The following ANKDD1A variants were observed in gnomAD, a reference collection of about 807,000 sequenced individuals.
ANKDD1A encodes the protein ankyrin repeat and death domain containing 1A, also known as ankyrin repeat and death domain-containing protein 1A.
Under a neutral mutation model 63.5 loss-of-function variants are expected in ANKDD1A, and 59 were observed. The ratio of observed to expected loss-of-function variants is 0.93; its 90% CI spans 0.75 to 1.15. The LOEUF is 1.15. Among genes scored for constraint, ANKDD1A ranks in the 50% most tolerant of loss-of-function variants. The pLI is 0.00. For synonymous variants in ANKDD1A, 266 were observed against 263.9 expected, an observed-to-expected ratio of 1.01 and a Z score of -0.08; for missense variants, 632 against 656.4, an observed-to-expected ratio of 0.96 and a Z score of 0.41.
intron 3 of ANKDD1A, among the ~76,000 whole-genome samples, chr15:64,920,309 A>G (rs1422951686): frequency 1.3e-5 from 2 of 152,150 alleles, no homozygotes; most frequent in African/African-American, 4.8e-5. Context: ...ACCCTGGAGC[A>G]CGGTGCAGAT....
chr15:64,937,082 A>G (rs1334191178), intron 9 of ANKDD1A, among the ~76,000 whole-genome samples: 1 of 152,194 alleles, frequency 6.6e-6, no homozygotes, highest in Non-Finnish European at 1.5e-5. Context: ...AGGCACCTTC[A>G]TATGTTACTG....
chr15:64,915,202 G>A (rs546561458), intron 1 of ANKDD1A, among the ~76,000 whole-genome samples: 7 of 152,300 alleles, frequency 4.6e-5, no homozygotes, highest in South Asian at 2.1e-4. Flanking sequence ...CTACCGAGGA[G>A]GCTGAGGTGG....
chr15:64,920,183 C>A (rs1346589954), intron 3 of ANKDD1A, among the ~76,000 whole-genome samples: 1 of 152,144 alleles, frequency 6.6e-6, no homozygotes, highest in Non-Finnish European at 1.5e-5. Context: ...CTTGATGTAT[C>A]CCCGGAGCTG....
At chr15:64,953,651 TC>T (rs2085353360) in intron 14 of ANKDD1A, among the ~76,000 whole-genome samples, 2 of 86,304 alleles carry the variant, frequency 2.3e-5, no homozygotes, top group Non-Finnish European at 2.7e-5. Context: ...CTCTTCCTTC[TC>T]CTTCTTTTCT....
At chr15:64,956,821 G>A (rs2085421308) in intron 14 of ANKDD1A, among the ~76,000 whole-genome samples, 2 of 152,174 alleles carry the variant, frequency 1.3e-5, no homozygotes, top group Non-Finnish European at 2.9e-5. Context: ...CCAAAGTGCT[G>A]GGACTACAGG....
intron 1 of ANKDD1A, among the ~76,000 whole-genome samples, chr15:64,915,470 C>T (rs900087611): frequency 6.6e-6 from 1 of 152,166 alleles, no homozygotes; most frequent in Non-Finnish European, 1.5e-5. Flanking sequence ...TTTCCTTCCC[C>T]AAGAGCAGCT....
At chr15:64,954,949 T>C (rs2085403460) in intron 14 of ANKDD1A, among the ~76,000 whole-genome samples, 1 of 150,726 alleles carries the variant, frequency 6.6e-6, no homozygotes, top group African/African-American at 2.4e-5. Flanking sequence ...TGTCTCTTCT[T>C]CTCTCTCCTT....
intron 9 of ANKDD1A, among the ~76,000 whole-genome samples, chr15:64,934,626 A>T (rs2085114035): frequency 6.7e-6 from 1 of 149,078 alleles, no homozygotes; most frequent in African/African-American, 2.5e-5. Context: ...CAGCCTCCTG[A>T]ATAGCTGGAA....
chr15:64,937,193 G>C (rs74019377), intron 9 of ANKDD1A, among the ~76,000 whole-genome samples: 3 of 151,798 alleles, frequency 2.0e-5, no homozygotes, highest in African/African-American at 7.3e-5. Flanking sequence ...AAGTTGGTAC[G>C]ATCTGTTCAG....
At chr15:64,945,456 CATGAG>C (rs1280348897) in intron 12 of ANKDD1A, among the ~76,000 whole-genome samples, 3 of 151,512 alleles carry the variant, frequency 2.0e-5, no homozygotes, top group African/African-American at 7.3e-5. Context: ...CACTAAATGA[CATGAG>C]ATATTCAGCA....
At chr15:64,916,386 G>T (rs1000881151) in intron 2 of ANKDD1A, among the ~76,000 whole-genome samples, 3 of 151,190 alleles carry the variant, frequency 2.0e-5, no homozygotes, top group Middle Eastern at 3.4e-3. Flanking sequence ...GTGCAGTGGA[G>T]CAATCACAGC....
intron 1 of ANKDD1A, among the ~76,000 whole-genome samples, chr15:64,913,611 A>T (rs1018070454): frequency 2.0e-5 from 3 of 151,984 alleles, no homozygotes; most frequent in African/African-American, 7.3e-5. Flanking sequence ...CAGGGTAGCA[A>T]CTCTGAGATC....
intron 8 of ANKDD1A, among the ~76,000 whole-genome samples, chr15:64,933,635 A>G (rs940927694): frequency 2.6e-5 from 4 of 152,208 alleles, no homozygotes; most frequent in Non-Finnish European, 4.4e-5. Context: ...CAAGATCAGG[A>G]GTTCAAGACC....
Position 64,949,235 on chromosome 15 carries a change from A to G in ANKDD1A, c.1352-606A>G, listed in dbSNP as rs116265021. On this transcript the variant is annotated intron_variant, in intron 13 of 14. Transcript: ENST00000319580. ...CCGTGTGGGCAATTATTTTCCAAAC[A>G]TGGTTGTATGTTGGAACCACCTGGG... Among the ~76,000 whole-genome samples, 425 of 152,308 alleles carry G rather than the reference A, an allele frequency of 2.8e-3. 2 individuals carry two copies. Among genetic ancestry groups the G allele is most frequent in the African/African-American group, 9.8e-3 (408 of 41,574 alleles).
chr15:64,940,537 A>G (rs2085174435), intron 9 of ANKDD1A, among the ~76,000 whole-genome samples: 1 of 151,916 alleles, frequency 6.6e-6, no homozygotes. Context: ...GGTTCACGCC[A>G]TTCTCCTGCC....
At chr15:64,951,949 TTC>T (rs1429514999) in intron 14 of ANKDD1A, among the ~76,000 whole-genome samples, 1 of 149,788 alleles carries the variant, frequency 6.7e-6, no homozygotes, top group Admixed American at 6.6e-5. Context: ...TTTCTTCTTC[TTC>T]TTTCCTTCTG....
chr15:64,951,542 CTTTCTTCTCTTCTTTCTTTTTCTT>C (rs2085276790), intron 14 of ANKDD1A: 16 of 76,540 alleles, frequency 2.1e-4, no homozygotes, highest in Admixed American at 5.1e-4. Context: ...CTTCCCTCTT[CTTTCTTCTCTTCTTTCTTTTTCTT>C]TTCTTTCTTC....
intron 9 of ANKDD1A, among the ~76,000 whole-genome samples, chr15:64,934,884 C>G (rs890518808): frequency 2.0e-5 from 3 of 151,846 alleles, no homozygotes; most frequent in East Asian, 3.9e-4. Flanking sequence ...AATCTTTTTA[C>G]TGTTATACAT....
In ANKDD1A at chr15:64,953,692, CTTCTTCT is replaced by C. The variant is rs1176290612; in HGVS notation, c.1484-3402_1484-3396del. ...TCTCCTTCTTTTCTTCTCCTTCTCC[CTTCTTCT>C]TTCTTCTTCTCCTTGTTCTTCTCCT... On this transcript the variant is annotated intron_variant, in intron 14 of 14. Transcript: ENST00000319580. Among the ~76,000 whole-genome samples, 13 of 38,946 alleles carry C rather than the reference CTTCTTCT, an allele frequency of 3.3e-4. No homozygotes were observed. The East Asian group carries it at 0.012, about 36-fold the overall frequency. 25.6% of individuals were successfully genotyped at this position (38,946 alleles called of 152,430 possible). A position where few individuals can be genotyped will look rare whatever the true frequency, so the allele number is the denominator to read the frequency against.
Sources: allele counts gnomAD v4.1 joint callset (sites outside exome capture counted in the v4.1 genomes callset), GRCh38; gene constraint gnomAD v4.1.1; transcripts MANE v1.5; gene names NCBI Gene and HGNC (gene_info 2026-07-23, HGNC 2026-07-21).